IPPK: variants seen among roughly 807,000 people sequenced by gnomAD.
IPPK encodes IPK1 homolog.
A neutral mutation model predicts 64.6 loss-of-function variants in IPPK; 22 were observed. The observed-to-expected ratio is 0.34, with a 90% CI of 0.24 to 0.49. IPPK has a LOEUF of 0.49. Ranked by LOEUF, IPPK falls within the 20% of genes least tolerant of loss-of-function variation. The probability of loss-of-function intolerance (pLI) is 0.99; values close to 1 mark genes in which losing one functional copy is unlikely to be tolerated. For synonymous variants in IPPK, 262 were observed against 247.2 expected (o/e 1.06, Z -0.56); for missense variants, 532 against 630.7 (o/e 0.84, Z 1.68).
intron 1 of IPPK, among the ~76,000 whole-genome samples, chr9:92,666,635 T>C (rs542778567): frequency 6.6e-6 from 1 of 152,128 alleles, no homozygotes; most frequent in South Asian, 2.1e-4. Flanking sequence ...GAGAACACCA[T>C]GGTTACCTGT....
intron 12 of IPPK, chr9:92,617,535 G>A (rs531732320): frequency 1.8e-4 from 28 of 152,664 alleles, no homozygotes; most frequent in African/African-American, 6.5e-4. Context: ...CTGGGCAAGA[G>A]GCCCCAGGGA....
chr9:92,652,487 A>G, intron 4 of IPPK, 86 bp downstream of exon 4: 1 of 672,922 alleles, frequency 1.5e-6, no homozygotes, highest in South Asian at 2.6e-5. Context: ...AAAAATGCAT[A>G]TACCTAACAT....
At chr9:92,628,508 G>C (rs1043642668) in intron 11 of IPPK, among the ~76,000 whole-genome samples, 14 of 152,314 alleles carry the variant, frequency 9.2e-5, no homozygotes, top group African/African-American at 2.9e-4. Flanking sequence ...CAGAAATAAA[G>C]CCATACATCT....
rs372483137 is a variant in IPPK at position 92,614,525 on chromosome 9, T to G, written c.*1307A>C. The G allele has an allele frequency of 5.9e-5, 9 of 152,632 alleles. No homozygotes were observed. The highest frequency in any genetic ancestry group is 1.9e-4 in the African/African-American group (8 of 41,454). The allele number at this position is 152,632 out of a possible 1,614,324, so 9.5% of individuals were successfully genotyped here. A position where few individuals can be genotyped will look rare whatever the true frequency, so the allele number is the denominator to read the frequency against. The stretch of plus-strand genomic sequence containing the variant: ...CTGAGAGTAGAATTAGAAGTAAATA[T>G]GACAGAATTGAACAATAAATTCTAG... On this transcript the variant is annotated 3_prime_UTR_variant, in exon 13 of 13. Transcript: ENST00000287996.
intron 9 of IPPK, among the ~76,000 whole-genome samples, chr9:92,637,703 A>G (rs1851967649): frequency 6.6e-6 from 1 of 152,242 alleles, no homozygotes; most frequent in African/African-American, 2.4e-5. Flanking sequence ...GATATATAAC[A>G]TGGTTGAAAA....
intron 11 of IPPK, among the ~76,000 whole-genome samples, chr9:92,621,919 A>T (rs1409147467): frequency 6.6e-6 from 1 of 152,222 alleles, no homozygotes; most frequent in South Asian, 2.1e-4. Flanking sequence ...CTGAACACAG[A>T]CATTACAAAA....
At chr9:92,628,568 G>A (rs1219460507) in intron 11 of IPPK, among the ~76,000 whole-genome samples, 1 of 152,206 alleles carries the variant, frequency 6.6e-6, no homozygotes, top group Non-Finnish European at 1.5e-5. Context: ...AACGGGGAAA[G>A]AATAGTCTCC....
rs141329171 is a variant in IPPK at position 92,650,818 on chromosome 9, C to T, written c.293-1244G>A. 3.2e-4 allele frequency among the ~76,000 whole-genome samples: 48 copies of T among 152,182 alleles called. 1 individual carries two copies. In the East Asian group the frequency reaches 8.9e-3, roughly 28 times the overall value. On this transcript the variant is annotated intron_variant, in intron 4 of 12. Transcript: ENST00000287996. ...GCTCTACCTTCTCTCACATCTAGGCCCTTCCCAGTCCCCAGTGCACCAATA... is the reference window on the plus strand; with the variant it reads ...GCTCTACCTTCTCTCACATCTAGGCTCTTCCCAGTCCCCAGTGCACCAATA...
chr9:92,652,678 C>T (rs1159255811), intron 3 of IPPK, 39 bp from the exon 4 acceptor site: 1 of 1,181,558 alleles, frequency 8.5e-7, no homozygotes, highest in African/African-American at 1.5e-5. Flanking sequence ...GTGAATTGCA[C>T]AATGACATGA....
At chr9:92,620,274 A>G (rs1284502993) in intron 11 of IPPK, 3 of 153,632 alleles carry the variant, frequency 2.0e-5, no homozygotes, top group Non-Finnish European at 4.4e-5. Context: ...GGGTCTGTCC[A>G]TACTGACCAG....
intron 6 of IPPK, among the ~76,000 whole-genome samples, chr9:92,647,780 A>G (rs1419640402): frequency 6.6e-6 from 1 of 152,124 alleles, no homozygotes; most frequent in African/African-American, 2.4e-5. Context: ...TCACACCAGC[A>G]CTTTGGGAGG....
At chr9:92,630,885 TA>T (rs1053241919) in intron 11 of IPPK, among the ~76,000 whole-genome samples, 1 of 151,740 alleles carries the variant, frequency 6.6e-6, no homozygotes, top group African/African-American at 2.4e-5. Context: ...AAAAATGACA[TA>T]AAAAAAACTA....
intron 1 of IPPK, among the ~76,000 whole-genome samples, chr9:92,669,589 G>C (rs1852681347): frequency 6.6e-6 from 1 of 152,192 alleles, no homozygotes; most frequent in Non-Finnish European, 1.5e-5. Flanking sequence ...GGCTGAGCGC[G>C]GCACCGACGG....
Position 92,649,449 on chromosome 9 carries a change from T to C in IPPK, c.414+4A>G. On this transcript the variant is annotated splice_donor_region_variant and intron_variant, in intron 5 of 12. Coordinates refer to ENST00000287996, the MANE Select transcript of IPPK (RefSeq NM_022755.6). ...CCCACACCATCTGCCCCTCGACAGG[T>C]CACCTTAATCTCTACACACAGAATC... The C allele has an allele frequency of 6.2e-7, 1 of 1,613,902 alleles. No homozygotes were observed.
At chr9:92,616,108 C>A in intron 12 of IPPK, 51 bp from the exon 13 acceptor site, 1 of 1,294,186 alleles carries the variant, frequency 7.7e-7, no homozygotes, top group Non-Finnish European at 1.1e-6. Flanking sequence ...CATTCATTTC[C>A]CTCCCTCCCG....
chr9:92,660,008 A>G (rs1039861573), intron 1 of IPPK, among the ~76,000 whole-genome samples: 2 of 151,966 alleles, frequency 1.3e-5, no homozygotes, highest in African/African-American at 2.4e-5. Context: ...AGGCATCAAC[A>G]ATCAATCATG....
At chr9:92,649,599 C>G (rs1354443732) in intron 4 of IPPK, 25 bp from the exon 5 acceptor site, 1 of 1,612,954 alleles carries the variant, frequency 6.2e-7, no homozygotes, top group Non-Finnish European at 8.5e-7. Flanking sequence ...AAGGGTCACA[C>G]AGAGCAAGGT....
intron 12 of IPPK, 78 bp from the exon 13 acceptor site, chr9:92,616,135 T>C: frequency 1.1e-6 from 1 of 926,196 alleles, no homozygotes; most frequent in Non-Finnish European, 1.7e-6. Context: ...CTCCCTTTCT[T>C]CTTTCAACTA....
At chr9:92,658,849 G>C (rs934947787) in intron 1 of IPPK, among the ~76,000 whole-genome samples, 168 bp from the exon 2 acceptor site, 4 of 152,236 alleles carry the variant, frequency 2.6e-5, no homozygotes, top group Admixed American at 1.3e-4. Flanking sequence ...GACCCAGCAA[G>C]GGCACACTGG....
Sources: allele counts gnomAD v4.1 joint callset (sites outside exome capture counted in the v4.1 genomes callset), GRCh38; gene constraint gnomAD v4.1.1; transcripts MANE v1.5; gene names NCBI Gene and HGNC (gene_info 2026-07-23, HGNC 2026-07-21).